The following SMAD2 variants were observed in gnomAD, a reference collection of about 807,000 sequenced individuals.
The protein encoded by SMAD2 is MAD homolog 2.
Under a neutral mutation model 64.4 loss-of-function variants are expected in SMAD2, and 8 were observed. The observed-to-expected ratio is 0.12, with a 90% confidence interval of 0.07 to 0.22. The LOEUF (loss-of-function observed/expected upper bound fraction) is 0.22. SMAD2 is among the 10% of genes least tolerant of loss of function. The pLI is 1.00. For missense variants in SMAD2, 289 were observed against 561.2 expected, an observed-to-expected ratio of 0.51 and a Z score of 4.90; for synonymous variants, 203 against 195.8, an observed-to-expected ratio of 1.04 and a Z score of -0.31.
rs1301885284 is a variant in SMAD2 at position 47,811,957 on chromosome 18, C to G, written c.*29870G>C. 1 of 152,168 alleles carries G rather than the reference C, an allele frequency of 6.6e-6. No individual in the cohort carries two copies. Among genetic ancestry groups the G allele is most frequent in the African/African-American group, 2.4e-5 (1 of 41,432 alleles). 9.4% of individuals were successfully genotyped at this position (152,168 alleles called of 1,614,324 possible). ...ATGTTTGGGAAAAAGTGATTTTAGCCTCTGACCTCAAGGTGCTTGTATTAG... is the reference window on the plus strand; with the variant it reads ...ATGTTTGGGAAAAAGTGATTTTAGCGTCTGACCTCAAGGTGCTTGTATTAG... On this transcript the variant is annotated 3_prime_UTR_variant, in exon 11 of 11. Transcript: ENST00000262160.
chr18:47,823,662 A>G lies in SMAD2; in HGVS notation c.*18165T>C, dbSNP rs1043673988. The G allele has an allele frequency of 6.6e-6, 1 of 152,200 alleles. No individual in the cohort carries two copies. The highest frequency in any genetic ancestry group is 2.4e-5 in the African/African-American group (1 of 41,454). 9.4% of individuals were successfully genotyped at this position (152,200 alleles called of 1,614,324 possible). ...ACATTCAAACTGCAAACCAGGACAA[A>G]AAGTTGATGATTTCAGGCTGTAGAC... On this transcript the variant is annotated 3_prime_UTR_variant, in exon 11 of 11. Coordinates refer to ENST00000262160, the MANE Select transcript of SMAD2 (RefSeq NM_005901.6).
intron 6 of SMAD2, among the ~76,000 whole-genome samples, chr18:47,856,313 G>A (rs1243996623): frequency 2.0e-5 from 3 of 152,026 alleles, no homozygotes; most frequent in Non-Finnish European, 4.4e-5. Context: ...GTTGTATACT[G>A]GAAATTTAGT....
intron 2 of SMAD2, among the ~76,000 whole-genome samples, chr18:47,880,950 G>A (rs371755631): frequency 6.6e-6 from 1 of 152,130 alleles, no homozygotes; most frequent in East Asian, 1.9e-4. Flanking sequence ...TCTCCTTGCT[G>A]ATATTCACTC....
intron 6 of SMAD2, 108 bp downstream of exon 6, chr18:47,864,951 A>T: frequency 2.8e-6 from 2 of 709,608 alleles, no homozygotes; most frequent in Non-Finnish European, 5.1e-6. Flanking sequence ...CTTTTTTGGT[A>T]TGCGTCTCAA....
Position 47,896,785 on chromosome 18 carries a change from A to G in SMAD2, c.-29T>C. On this transcript the variant is annotated 5_prime_UTR_variant, in exon 2 of 11. Transcript: ENST00000262160. ...CTTACCAAAGGCAGCAAGCCACGCT[A>G]GGAAAACAGCCTCTTGTATCGAACC... 6.2e-7 allele frequency: 1 copy of G among 1,608,578 alleles called. No homozygotes were observed. Among genetic ancestry groups the G allele is most frequent in the Non-Finnish European group, 8.5e-7 (1 of 1,177,398 alleles).
intron 2 of SMAD2, among the ~76,000 whole-genome samples, chr18:47,890,841 T>C (rs573196664): frequency 2.6e-5 from 4 of 152,216 alleles, no homozygotes; most frequent in Non-Finnish European, 4.4e-5. Flanking sequence ...AATGGAAGAA[T>C]ACTACAGTTT....
At chr18:47,908,514 G>A (rs529582200) in intron 1 of SMAD2, among the ~76,000 whole-genome samples, 26 of 151,948 alleles carry the variant, frequency 1.7e-4, no homozygotes, top group Non-Finnish European at 3.5e-4. Flanking sequence ...TAAAAGATAT[G>A]TAGATACTAC....
chr18:47,907,118 T>C (rs2033936277), intron 1 of SMAD2, among the ~76,000 whole-genome samples: 1 of 152,156 alleles, frequency 6.6e-6, no homozygotes, highest in Non-Finnish European at 1.5e-5. Context: ...AAATGGTATA[T>C]AGCACAATTG....
At chr18:47,849,468 T>G (rs958233949) in intron 7 of SMAD2, among the ~76,000 whole-genome samples, 1 of 126,704 alleles carries the variant, frequency 7.9e-6, no homozygotes, top group Admixed American at 9.0e-5. Context: ...AAAATAATAA[T>G]AGTAATACAG....
intron 1 of SMAD2, among the ~76,000 whole-genome samples, chr18:47,928,577 T>C (rs2034861776): frequency 6.6e-6 from 1 of 152,202 alleles, no homozygotes; most frequent in African/African-American, 2.4e-5. Flanking sequence ...CCAAGCCTGA[T>C]AAGACACAAA....
In SMAD2 at chr18:47,918,619, G is replaced by A. The variant is rs918327780; in HGVS notation, c.-54+11742C>T. Among the ~76,000 whole-genome samples the A allele has an allele frequency of 2.0e-5, 3 of 152,192 alleles. No homozygotes were observed. In the South Asian group the frequency reaches 6.2e-4, roughly 31 times the overall value. ...TTCAGCTTCAGGAAAAGACTATACA[G>A]AGAAAGAAAACATTTTTAAAACATC... On this transcript the variant is annotated intron_variant, in intron 1 of 10. Coordinates refer to ENST00000262160, the MANE Select transcript of SMAD2 (RefSeq NM_005901.6).
At chr18:47,857,560 T>C (rs1317300737) in intron 6 of SMAD2, among the ~76,000 whole-genome samples, 1 of 152,234 alleles carries the variant, frequency 6.6e-6, no homozygotes, top group African/African-American at 2.4e-5. Context: ...AGAAAAATTC[T>C]ATTTTTCTTT....
chr18:47,884,791 C>T (rs1263418321), intron 2 of SMAD2, among the ~76,000 whole-genome samples: 1 of 152,160 alleles, frequency 6.6e-6, no homozygotes, highest in African/African-American at 2.4e-5. Flanking sequence ...TTCTACTCAT[C>T]TTTGATATAG....
chr18:47,849,487 G>GTATATA (rs10584029), intron 7 of SMAD2, among the ~76,000 whole-genome samples: 11 of 148,278 alleles, frequency 7.4e-5, no homozygotes, highest in African/African-American at 2.5e-4. Flanking sequence ...AGAAATGTAT[G>GTATATA]TATATATATA....
Position 47,808,968 on chromosome 18 carries a change from C to G in SMAD2, c.*32859G>C, listed in dbSNP as rs1381951679. The G allele has an allele frequency of 1.3e-5, 2 of 152,186 alleles. No individual in the cohort carries two copies. Among genetic ancestry groups the G allele is most frequent in the Non-Finnish European group, 2.9e-5 (2 of 68,024 alleles). The allele number at this position is 152,186 out of a possible 1,614,324, so 9.4% of individuals were successfully genotyped here. ...AGCAGTCTCGTTGCTTCATTTCCAC[C>G]TTTATTCTTTATTACCAACACCAAA... On this transcript the variant is annotated 3_prime_UTR_variant, in exon 11 of 11. Coordinates refer to ENST00000262160, the MANE Select transcript of SMAD2 (RefSeq NM_005901.6).
intron 2 of SMAD2, among the ~76,000 whole-genome samples, chr18:47,887,395 A>C (rs2032967735): frequency 6.6e-6 from 1 of 152,126 alleles, no homozygotes; most frequent in Non-Finnish European, 1.5e-5. Context: ...AAGGGGCACG[A>C]TCTTAAGTGG....
At chr18:47,909,481 G>A (rs539471538) in intron 1 of SMAD2, among the ~76,000 whole-genome samples, 1 of 152,106 alleles carries the variant, frequency 6.6e-6, no homozygotes, top group Non-Finnish European at 1.5e-5. Context: ...TAATGCAGGC[G>A]CAAGTGCTGT....
Position 47,826,190 on chromosome 18 carries a change from T to C in SMAD2, c.*15637A>G, listed in dbSNP as rs775737594. On this transcript the variant is annotated 3_prime_UTR_variant, in exon 11 of 11. Transcript: ENST00000262160. ...ACTCAATGCTCTGTAAGTTAAAACA[T>C]TTCAAACCAAATAGGCCACTCTATT... 1 of 152,250 alleles carries C rather than the reference T, an allele frequency of 6.6e-6. No individual in the cohort carries two copies. Among genetic ancestry groups the C allele is most frequent in the Non-Finnish European group, 1.5e-5 (1 of 68,050 alleles). The allele number at this position is 152,250 out of a possible 1,614,324, so 9.4% of individuals were successfully genotyped here.
chr18:47,857,691 A>C (rs1244517408), intron 6 of SMAD2, among the ~76,000 whole-genome samples: 2 of 152,362 alleles, frequency 1.3e-5, no homozygotes, highest in East Asian at 3.9e-4. Context: ...GCATCTGCCA[A>C]GTCAGGACAC....
Sources: allele counts gnomAD v4.1 joint callset (sites outside exome capture counted in the v4.1 genomes callset), GRCh38; gene constraint gnomAD v4.1.1; transcripts MANE v1.5; gene names NCBI Gene and HGNC (gene_info 2026-07-23, HGNC 2026-07-21).